The following WIPF3 variants were observed in gnomAD, a reference collection of about 807,000 sequenced individuals.
The protein encoded by WIPF3 is WAS/WASL-interacting protein family member 3.
A neutral mutation model predicts 38.9 loss-of-function variants in WIPF3; 33 were observed. The observed-to-expected ratio is 0.85, with a 90% CI of 0.64 to 1.14. The LOEUF (loss-of-function observed/expected upper bound fraction) is 1.14. Among genes scored for constraint, WIPF3 ranks in the 50% most tolerant of loss-of-function variants. The pLI is 0.00. For missense variants in WIPF3, 711 were observed against 652.5 expected, an observed-to-expected ratio of 1.09 and a Z score of -0.98; for synonymous variants, 324 against 269.3, an observed-to-expected ratio of 1.20 and a Z score of -1.99.
intron 2 of WIPF3, among the ~76,000 whole-genome samples, chr7:29,861,867 A>G (rs1209297030): frequency 6.6e-6 from 1 of 152,198 alleles, no homozygotes; most frequent in East Asian, 1.9e-4. Flanking sequence ...TGTTGTTGTC[A>G]TCGTTATTTG....
rs1322168567 is a variant in WIPF3 at position 29,903,426 on chromosome 7, GTC to G, written c.1352-858_1352-857del. Among the ~76,000 whole-genome samples, 6 of 152,028 alleles carry G rather than the reference GTC, an allele frequency of 3.9e-5. No individual in the cohort carries two copies. In the East Asian group the frequency reaches 9.6e-4, roughly 24 times the overall value. On this transcript the variant is annotated intron_variant, in intron 7 of 8. Coordinates refer to ENST00000242140, the MANE Select transcript of WIPF3 (RefSeq NM_001080529.3). ...CATTAATTGTTCACTATTATAAATA[GTC>G]TATAATGAACATTCATGCTTTTCTG...
chr7:29,898,595 C>G (rs1053065451), intron 7 of WIPF3, among the ~76,000 whole-genome samples: 5 of 152,160 alleles, frequency 3.3e-5, no homozygotes, highest in African/African-American at 1.2e-4. Context: ...AACTTCCTCC[C>G]TCCCCTTTCA....
intron 2 of WIPF3, among the ~76,000 whole-genome samples, chr7:29,846,710 A>C (rs544546249): frequency 6.6e-6 from 1 of 152,348 alleles, no homozygotes; most frequent in African/African-American, 2.4e-5. Context: ...TCTCAAAACA[A>C]AAATCAAAAA....
At chr7:29,884,621 C>T (rs1267012879) in intron 5 of WIPF3, 28 bp downstream of exon 5, 2 of 1,579,330 alleles carry the variant, frequency 1.3e-6, no homozygotes, top group Non-Finnish European at 8.6e-7. Context: ...GCCCAGTGCC[C>T]CTGGTGGAGT....
intron 7 of WIPF3, 84 bp downstream of exon 7, chr7:29,889,491 GT>G: frequency 1.0e-6 from 1 of 990,776 alleles, no homozygotes. Context: ...GTCACAGACT[GT>G]CTAAAGGATG....
At chr7:29,831,146 T>A (rs1422713302) in intron 1 of WIPF3, among the ~76,000 whole-genome samples, 1 of 152,242 alleles carries the variant, frequency 6.6e-6, no homozygotes. Flanking sequence ...TTTGTACTTA[T>A]TGTTGGTGGT....
At chr7:29,830,871 G>A (rs1784708519) in intron 1 of WIPF3, among the ~76,000 whole-genome samples, 1 of 152,172 alleles carries the variant, frequency 6.6e-6, no homozygotes, top group Non-Finnish European at 1.5e-5. Flanking sequence ...AAGGTATAGA[G>A]CCAATCCTTA....
rs531037552 is a variant in WIPF3, at chr7:29,844,894, G to A, written c.90+10080G>A. 1.3e-5 allele frequency among the ~76,000 whole-genome samples: 2 copies of A among 152,112 alleles called. No individual in the cohort carries two copies. Among genetic ancestry groups the A allele is most frequent in the Non-Finnish European group, 2.9e-5 (2 of 68,008 alleles). On this transcript the variant is annotated intron_variant, in intron 2 of 8. Transcript: ENST00000242140. This position sits in a 1 kb window ranked among gnomAD's most constrained non-coding sequence, Gnocchi z 4.8. Reference sequence around the variant, plus strand: ...TGAAGCGCTAAACCAAAAGCCCTTCGATGCAGATCTTCTCAAGGATTACTT... The same window carrying A: ...TGAAGCGCTAAACCAAAAGCCCTTCAATGCAGATCTTCTCAAGGATTACTT...
intron 8 of WIPF3, among the ~76,000 whole-genome samples, chr7:29,911,958 T>C (rs898133589): frequency 6.6e-6 from 1 of 152,100 alleles, no homozygotes; most frequent in African/African-American, 2.4e-5. Flanking sequence ...CTTTAAAATT[T>C]GCATATCAAA....
chr7:29,877,558 T>C (rs1417061746), intron 3 of WIPF3, among the ~76,000 whole-genome samples: 1 of 152,190 alleles, frequency 6.6e-6, no homozygotes, highest in East Asian at 1.9e-4. Flanking sequence ...AGTACTTATG[T>C]GTGAAGAAGT....
At chr7:29,829,836 A>G (rs1784687464) in intron 1 of WIPF3, among the ~76,000 whole-genome samples, 3 of 152,130 alleles carry the variant, frequency 2.0e-5, no homozygotes, top group African/African-American at 7.2e-5. Context: ...ACCACCCTCT[A>G]ATGGTGCTTG....
rs559408675 is a variant in WIPF3 at position 29,870,351 on chromosome 7, A to C, written c.91-5479A>C. ...GTCTGTTGTGTGGGGGAGGGCAAGGAGACATGAAAACCACATAAGGGAATC... is the reference window on the plus strand; with the variant it reads ...GTCTGTTGTGTGGGGGAGGGCAAGGCGACATGAAAACCACATAAGGGAATC... On this transcript the variant is annotated intron_variant, in intron 2 of 8. Transcript: ENST00000242140. Among the ~76,000 whole-genome samples the C allele has an allele frequency of 7.4e-4, 112 of 152,298 alleles. No individual in the cohort carries two copies. The Middle Eastern group carries it at 0.014, about 19-fold the overall frequency.
At chr7:29,865,837 G>T (rs1785376835) in intron 2 of WIPF3, among the ~76,000 whole-genome samples, 1 of 152,192 alleles carries the variant, frequency 6.6e-6, no homozygotes, top group Non-Finnish European at 1.5e-5. Context: ...GACTTTTCAT[G>T]CAAAGGTCCT....
Position 29,904,688 on chromosome 7 carries a change from T to G in WIPF3, c.1428+326T>G, listed in dbSNP as rs564760847. ...GGCCTGTGAGAAAAACTGAATAACATGTATAAAACATAATTCAGTATTCTC... is the reference window on the plus strand; with the variant it reads ...GGCCTGTGAGAAAAACTGAATAACAGGTATAAAACATAATTCAGTATTCTC... On this transcript the variant is annotated intron_variant, in intron 8 of 8. Transcript: ENST00000242140. The G allele has an allele frequency of 1.8e-5, 5 of 282,606 alleles. No individual in the cohort carries two copies. In the South Asian group the frequency reaches 3.1e-4, roughly 18 times the overall value. 17.5% of individuals were successfully genotyped at this position (282,606 alleles called of 1,614,324 possible).
intron 1 of WIPF3, among the ~76,000 whole-genome samples, chr7:29,822,407 G>A (rs989149418): frequency 2.0e-5 from 3 of 152,090 alleles, no homozygotes; most frequent in African/African-American, 7.2e-5. Context: ...GGTAGAGGTG[G>A]GTAGCTTTGA....
At chr7:29,824,274 A>C (rs899115489) in intron 1 of WIPF3, among the ~76,000 whole-genome samples, 2 of 152,186 alleles carry the variant, frequency 1.3e-5, no homozygotes, top group Non-Finnish European at 2.9e-5. Context: ...ATGCCACTGC[A>C]CTCTAGCCTG....
chr7:29,826,808 G>A (rs1177173267), intron 1 of WIPF3, among the ~76,000 whole-genome samples: 3 of 152,224 alleles, frequency 2.0e-5, no homozygotes, highest in Admixed American at 2.0e-4. Flanking sequence ...CAAAAACCAC[G>A]AAAGTCATTT....
chr7:29,895,680 T>A (rs1288403275), intron 7 of WIPF3, among the ~76,000 whole-genome samples: 2 of 152,174 alleles, frequency 1.3e-5, no homozygotes, highest in Non-Finnish European at 2.9e-5. Flanking sequence ...GAGCATCCAG[T>A]CATGGTGGAA....
At chr7:29,867,567 C>CTT (rs57116279) in intron 2 of WIPF3, among the ~76,000 whole-genome samples, 4 of 76,066 alleles carry the variant, frequency 5.3e-5, no homozygotes, top group Non-Finnish European at 8.0e-5. Flanking sequence ...CACACCCCAG[C>CTT]TTTTTTTTTT....
Sources: allele counts gnomAD v4.1 joint callset (sites outside exome capture counted in the v4.1 genomes callset), GRCh38; gene constraint gnomAD v4.1.1; non-coding constraint Gnocchi (gnomAD v3.1); transcripts MANE v1.5; gene names NCBI Gene and HGNC (gene_info 2026-07-23, HGNC 2026-07-21).